The following TGM4 variants were observed in gnomAD, a reference collection of about 807,000 sequenced individuals.
TGM4 encodes the protein protein-glutamine gamma-glutamyltransferase 4.
A neutral mutation model predicts 76.3 loss-of-function variants in TGM4; 61 were observed. The ratio of observed to expected loss-of-function variants is 0.80; its 90% CI spans 0.65 to 0.99. TGM4 has a LOEUF of 0.99. Among genes scored for constraint, TGM4 ranks in the 50% least tolerant of loss-of-function variants. TGM4 has a pLI of 0.00. For missense variants in TGM4, 794 were observed against 843.2 expected (o/e 0.94, Z 0.72); for synonymous variants, 337 against 329.8 (o/e 1.02, Z -0.24).
chr3:44,901,324 G>A (rs1006860103), intron 6 of TGM4, among the ~76,000 whole-genome samples, 200 bp from the exon 7 acceptor site: 3 of 152,198 alleles, frequency 2.0e-5, no homozygotes, highest in South Asian at 4.1e-4. Context: ...ACAGCAGTGA[G>A]CATCCTCCCC....
intron 9 of TGM4, 53 bp downstream of exon 9, chr3:44,904,040 C>A: frequency 6.6e-7 from 1 of 1,507,652 alleles, no homozygotes; most frequent in Non-Finnish European, 9.2e-7. Flanking sequence ...CCTTACATGG[C>A]CCAGGGTTCT....
intron 9 of TGM4, among the ~76,000 whole-genome samples, chr3:44,904,202 T>C (rs41289594): frequency 0.01 from 1,542 of 152,242 alleles, 9 homozygotes; most frequent in Non-Finnish European, 0.014. Context: ...ATGACAGTAC[T>C]GTTAAGAGCA....
chr3:44,895,187 T>G (rs886832425), intron 5 of TGM4, among the ~76,000 whole-genome samples: 53 of 152,068 alleles, frequency 3.5e-4, no homozygotes, highest in Middle Eastern at 3.4e-3. Flanking sequence ...CCCAGCTACT[T>G]GGGAGGCTGA....
intron 1 of TGM4, among the ~76,000 whole-genome samples, chr3:44,883,377 T>C (rs986151486): frequency 6.6e-6 from 1 of 151,980 alleles, no homozygotes; most frequent in African/African-American, 2.4e-5. Flanking sequence ...AAGGAGGGAG[T>C]TGGTCCTCTC....
chr3:44,913,744 A>C lies in TGM4; in HGVS notation c.*19A>C. 1 of 1,605,596 alleles carries C rather than the reference A, an allele frequency of 6.2e-7. No individual in the cohort carries two copies. Among genetic ancestry groups the C allele is most frequent in the South Asian group, 1.1e-5 (1 of 89,634 alleles). ...CAAGTAGCCTTGTCTGATGCTGTGG[A>C]GCCTTAGTTGAGATTTCAGCATTTC... is the stretch of plus-strand genomic sequence containing the variant. On this transcript the variant is annotated 3_prime_UTR_variant, in exon 14 of 14. Transcript: ENST00000296125.
Position 44,896,820 on chromosome 3 carries a change from G to A in TGM4, c.657+4G>A. 6.2e-7 allele frequency: 1 copy of A among 1,613,030 alleles called. No individual in the cohort carries two copies. Among genetic ancestry groups the A allele is most frequent in the Non-Finnish European group, 8.5e-7 (1 of 1,179,076 alleles). ...GTGCAGGGCCATGTGTGCTATGGTAGGTATGGAAAGCCTGGGCTGATGCTG... is the reference window on the plus strand; with the variant it reads ...GTGCAGGGCCATGTGTGCTATGGTAAGTATGGAAAGCCTGGGCTGATGCTG... On this transcript the variant is annotated splice_donor_region_variant and intron_variant, in intron 6 of 13. Transcript: ENST00000296125.
intron 13 of TGM4, among the ~76,000 whole-genome samples, chr3:44,912,273 C>A (rs1700015310): frequency 2.0e-5 from 3 of 152,246 alleles, no homozygotes; most frequent in Non-Finnish European, 2.9e-5. Flanking sequence ...TTCTCTTATG[C>A]TTTTTCTAGA....
intron 1 of TGM4, among the ~76,000 whole-genome samples, chr3:44,878,795 A>G (rs1449051820): frequency 6.6e-6 from 1 of 151,780 alleles, no homozygotes; most frequent in Admixed American, 6.6e-5. Context: ...TCTTTATCCT[A>G]TTTGTGATTC....
At chr3:44,890,330 A>C in intron 3 of TGM4, 1 of 350,290 alleles carries the variant, frequency 2.9e-6, no homozygotes, top group East Asian at 4.9e-5. Context: ...TGGTGAAGGG[A>C]GTGAATCTCA....
intron 10 of TGM4, among the ~76,000 whole-genome samples, chr3:44,908,936 A>G (rs1461354287): frequency 6.6e-6 from 1 of 152,162 alleles, no homozygotes; most frequent in Non-Finnish European, 1.5e-5. Context: ...TAAAGAACAT[A>G]ATATGGCAAC....
At chr3:44,875,920 G>A (rs934499020) in intron 1 of TGM4, among the ~76,000 whole-genome samples, 1 of 152,212 alleles carries the variant, frequency 6.6e-6, no homozygotes, top group African/African-American at 2.4e-5. Flanking sequence ...CTGAGAAAGG[G>A]TGGTGTGGTG....
chr3:44,912,114 G>A (rs1700013588), intron 13 of TGM4, among the ~76,000 whole-genome samples: 1 of 152,200 alleles, frequency 6.6e-6, no homozygotes, highest in Admixed American at 6.5e-5. Flanking sequence ...TACAGGCATG[G>A]GCCATCATGC....
At position 44,893,663 on chromosome 3, in the gene TGM4, A is replaced by C. The variant is rs1699735046; in HGVS notation, c.517A>C (p.Ser173Arg). The C allele has an allele frequency of 9.3e-6, 15 of 1,613,808 alleles. No homozygotes were observed. Among genetic ancestry groups the C allele is most frequent in the Non-Finnish European group, 1.2e-5 (14 of 1,179,882 alleles). ...TGCHYVGAARSIKCKPWNFGQ... is the reference protein window; with the variant it reads ...TGCHYVGAARRIKCKPWNFGQ... ...CTGCCATTACGTGGGGGCTGCCAGAAGTATCAAATGCAAACCCTGGAACTT... is the reference window on the plus strand; with the variant it reads ...CTGCCATTACGTGGGGGCTGCCAGACGTATCAAATGCAAACCCTGGAACTT... The change falls in exon 5 of 14, where the codon AGT (serine) becomes CGT (arginine). Residue 173 changes from serine (S) to arginine (R), a missense_variant. Transcript: ENST00000296125.
chr3:44,896,968 C>A (rs1023252651), intron 6 of TGM4, 152 bp downstream of exon 6: 5 of 528,154 alleles, frequency 9.5e-6, no homozygotes, highest in Admixed American at 3.2e-5. Context: ...ATAGACATTG[C>A]TGAAATCTGT....
In TGM4 at chr3:44,911,259, C is replaced by A; in HGVS notation, c.1777-11C>A. The A allele has an allele frequency of 1.9e-6, 3 of 1,614,192 alleles. No individual in the cohort carries two copies. The highest frequency in any genetic ancestry group is 2.5e-6 in the Non-Finnish European group (3 of 1,180,028). ...CTTCTCTCCCCATCTCTCCTCCCCA[C>A]CCTACTACAGTTGCCTAACACAGGC... On this transcript the variant is annotated splice_polypyrimidine_tract_variant and intron_variant, in intron 12 of 13. Coordinates refer to ENST00000296125, the MANE Select transcript of TGM4 (RefSeq NM_003241.4).
At chr3:44,895,597 CAGTG>C (rs1277057417) in intron 5 of TGM4, among the ~76,000 whole-genome samples, 3 of 152,014 alleles carry the variant, frequency 2.0e-5, no homozygotes, top group African/African-American at 7.3e-5. Context: ...CTTCAGTGAG[CAGTG>C]ATTGTGCCAC....
At chr3:44,891,344 A>G (rs1003173000) in intron 4 of TGM4, among the ~76,000 whole-genome samples, 2 of 144,570 alleles carry the variant, frequency 1.4e-5, no homozygotes. Flanking sequence ...TACCCATGCT[A>G]GAAGCCAAGG....
intron 2 of TGM4, among the ~76,000 whole-genome samples, chr3:44,887,480 C>T (rs1299604793): frequency 2.6e-5 from 4 of 152,088 alleles, no homozygotes; most frequent in Non-Finnish European, 5.9e-5. Flanking sequence ...AGGCAGGAAG[C>T]TCATCTAAAT....
At position 44,886,308 on chromosome 3, in the gene TGM4, T is replaced by C. The variant is rs998990402; in HGVS notation, c.193+810T>C. 3.3e-5 allele frequency among the ~76,000 whole-genome samples: 5 copies of C among 152,214 alleles called. No homozygotes were observed. In the East Asian group the frequency reaches 7.7e-4, roughly 23 times the overall value. On this transcript the variant is annotated intron_variant, in intron 2 of 13. Transcript: ENST00000296125. ...GGGAGGCAAGATAGTGTCATTGCAC[T>C]TCATCCTGGCGACAAGAGTGAAACT...
Sources: gnomAD v4.1 joint callset for allele counts (sites outside exome capture counted in the v4.1 genomes callset) on GRCh38, gnomAD v4.1.1 for gene constraint, MANE v1.5 for transcripts, NCBI Gene and HGNC (gene_info 2026-07-23, HGNC 2026-07-21) for gene names.